The following ADAMTS17 variants were observed in gnomAD, a reference collection of about 807,000 sequenced individuals.
ADAMTS17 encodes A disintegrin and metalloproteinase with thrombospondin motifs 17.
Under a neutral mutation model 141.5 loss-of-function variants are expected in ADAMTS17, and 113 were observed. That is an observed-to-expected ratio of 0.80 (90% confidence interval 0.69 to 0.93). The LOEUF (loss-of-function observed/expected upper bound fraction) is 0.93, where lower values mean the gene tolerates loss of function less well. ADAMTS17 is among the 40% of genes least tolerant of loss of function. ADAMTS17 has a pLI of 0.00. For synonymous variants in ADAMTS17, 768 were observed against 630.6 expected (o/e 1.22, Z -3.27); for missense variants, 1,659 against 1,517.9 (o/e 1.09, Z -1.54).
chr15:100,250,132 A>G (rs895272254), intron 7 of ADAMTS17, among the ~76,000 whole-genome samples: 1 of 152,266 alleles, frequency 6.6e-6, no homozygotes, highest in African/African-American at 2.4e-5. Context: ...AAATGATTTC[A>G]ATAAATACCA....
chr15:100,047,352 G>T (rs531123814), intron 18 of ADAMTS17, among the ~76,000 whole-genome samples: 1 of 132,342 alleles, frequency 7.6e-6, no homozygotes. Flanking sequence ...TGTGAAGTAC[G>T]TGATCTCTGT....
chr15:100,235,235 C>T (rs1259279060), intron 7 of ADAMTS17, among the ~76,000 whole-genome samples: 1 of 152,154 alleles, frequency 6.6e-6, no homozygotes, highest in African/African-American at 2.4e-5. Context: ...GCTAGAAAAG[C>T]CATGCGTCAT....
At chr15:100,203,952 T>C (rs1383314624) in intron 7 of ADAMTS17, among the ~76,000 whole-genome samples, 1 of 151,952 alleles carries the variant, frequency 6.6e-6, no homozygotes, top group African/African-American at 2.4e-5. Flanking sequence ...GAGAAGCTCA[T>C]TTAATTTATC....
At chr15:100,306,872 A>T (rs1054893194) in intron 3 of ADAMTS17, among the ~76,000 whole-genome samples, 1 of 152,176 alleles carries the variant, frequency 6.6e-6, no homozygotes, top group African/African-American at 2.4e-5. Flanking sequence ...CACAGGCCCA[A>T]AGAATTGCTC....
intron 8 of ADAMTS17, among the ~76,000 whole-genome samples, chr15:100,167,970 CA>C (rs1283809257): frequency 6.6e-6 from 1 of 152,124 alleles, no homozygotes. Flanking sequence ...ATGCTCCTGG[CA>C]AAAAAACCCA....
At chr15:100,173,942 C>G (rs1234561050) in intron 8 of ADAMTS17, among the ~76,000 whole-genome samples, 1 of 152,228 alleles carries the variant, frequency 6.6e-6, no homozygotes, top group Non-Finnish European at 1.5e-5. Flanking sequence ...CTGTGAATAG[C>G]TCAGGCAGGA....
In ADAMTS17 at chr15:99,972,822, CAG is replaced by C. The variant is rs1214173333; in HGVS notation, c.*1578_*1579del. On this transcript the variant is annotated 3_prime_UTR_variant, in exon 22 of 22. Transcript: ENST00000268070. ...AGCTCGTAAGACAGGGTGGAGAAGGCAGAGAGGCTTCTTTCTGATTTAAGCTA... is the reference window on the plus strand; with the variant it reads ...AGCTCGTAAGACAGGGTGGAGAAGGCAGAGGCTTCTTTCTGATTTAAGCTA... 4 of 152,234 alleles carry C rather than the reference CAG, an allele frequency of 2.6e-5. No homozygotes were observed. Among genetic ancestry groups the C allele is most frequent in the South Asian group, 2.1e-4 (1 of 4,828 alleles). The allele number at this position is 152,234 out of a possible 1,614,324, so 9.4% of individuals were successfully genotyped here.
intron 15 of ADAMTS17, among the ~76,000 whole-genome samples, chr15:100,093,780 CGG>C (rs1047930889): frequency 6.6e-6 from 1 of 152,066 alleles, no homozygotes; most frequent in Non-Finnish European, 1.5e-5. Flanking sequence ...TCTGTTTGCC[CGG>C]GGGTCCCCTC....
intron 7 of ADAMTS17, among the ~76,000 whole-genome samples, chr15:100,238,577 G>A (rs1379621316): frequency 6.6e-6 from 1 of 152,232 alleles, no homozygotes; most frequent in Non-Finnish European, 1.5e-5. Context: ...TAAAAGCAAC[G>A]ATGGGAATTT....
chr15:100,283,224 A>G lies in ADAMTS17; in HGVS notation c.617-1823T>C, dbSNP rs1348046894. Among the ~76,000 whole-genome samples the G allele has an allele frequency of 5.9e-5, 9 of 152,306 alleles. No individual in the cohort carries two copies. In the South Asian group the frequency reaches 1.9e-3, roughly 32 times the overall value. On this transcript the variant is annotated intron_variant, in intron 3 of 21. Coordinates refer to ENST00000268070, the MANE Select transcript of ADAMTS17 (RefSeq NM_139057.4). The stretch of plus-strand genomic sequence containing the variant: ...GGCCTCCTCCCTCAGAGCCAGGCCC[A>G]TCTCCCCTGAAGCCTTCCGGGCCTC...
chr15:100,242,720 T>C (rs1301354157), intron 7 of ADAMTS17, among the ~76,000 whole-genome samples: 1 of 152,188 alleles, frequency 6.6e-6, no homozygotes, highest in Admixed American at 6.5e-5. Flanking sequence ...CCTTCTCCCA[T>C]CCTGATCATT....
intron 7 of ADAMTS17, among the ~76,000 whole-genome samples, chr15:100,224,285 A>T (rs1384944606): frequency 6.6e-6 from 1 of 152,170 alleles, no homozygotes; most frequent in African/African-American, 2.4e-5. Flanking sequence ...AGACAGAGCA[A>T]ATGCAATTGT....
chr15:100,292,230 G>A (rs1236564464), intron 3 of ADAMTS17, among the ~76,000 whole-genome samples: 1 of 149,442 alleles, frequency 6.7e-6, no homozygotes, highest in Non-Finnish European at 1.5e-5. Flanking sequence ...GGGGAATCAC[G>A]AGAGACGCTC....
chr15:100,109,532 C>T (rs7167249), intron 13 of ADAMTS17, among the ~76,000 whole-genome samples: 1 of 151,942 alleles, frequency 6.6e-6, no homozygotes, highest in Non-Finnish European at 1.5e-5. Context: ...GTGAGGGCAG[C>T]GGCCCCAAGG....
chr15:100,339,596 GCCC>G (rs2046304216), intron 2 of ADAMTS17, among the ~76,000 whole-genome samples: 1 of 63,052 alleles, frequency 1.6e-5, no homozygotes, highest in African/African-American at 7.0e-5. Flanking sequence ...CACATTCCCC[GCCC>G]CAGGTCCACA....
intron 3 of ADAMTS17, among the ~76,000 whole-genome samples, chr15:100,322,750 A>G (rs1252104781): frequency 1.3e-5 from 2 of 152,212 alleles, no homozygotes; most frequent in African/African-American, 4.8e-5. Flanking sequence ...ACTACTTAAA[A>G]AATGGAAATA....
chr15:100,236,845 AAAAG>A (rs770224919), intron 7 of ADAMTS17, among the ~76,000 whole-genome samples: 8 of 152,092 alleles, frequency 5.3e-5, no homozygotes, highest in Non-Finnish European at 1.2e-4. Context: ...ACTCTAAAGA[AAAAG>A]AAAGAAATAC....
At chr15:100,244,213 C>T (rs2042916929) in intron 7 of ADAMTS17, among the ~76,000 whole-genome samples, 1 of 151,700 alleles carries the variant, frequency 6.6e-6, no homozygotes, top group Admixed American at 6.6e-5. Context: ...GAAAGACCTG[C>T]CCCCATAATT....
chr15:100,145,470 T>C (rs2038856966), intron 10 of ADAMTS17, among the ~76,000 whole-genome samples: 1 of 152,224 alleles, frequency 6.6e-6, no homozygotes, highest in Non-Finnish European at 1.5e-5. Context: ...GCTGAGAATT[T>C]TGCATCAAAG....
Sources: gnomAD v4.1 joint callset for allele counts (sites outside exome capture counted in the v4.1 genomes callset) on GRCh38, gnomAD v4.1.1 for gene constraint, MANE v1.5 for transcripts, NCBI Gene and HGNC (gene_info 2026-07-23, HGNC 2026-07-21) for gene names.